The following TAF4B variants were observed in gnomAD, a reference collection of about 807,000 sequenced individuals.
TAF4B encodes transcription initiation factor TFIID subunit 4B.
Under a neutral mutation model 86.4 loss-of-function variants are expected in TAF4B, and 38 were observed. That is an observed-to-expected ratio of 0.44 (90% CI 0.34 to 0.58). The LOEUF (loss-of-function observed/expected upper bound fraction) is 0.58, where lower values mean the gene tolerates loss of function less well. Ranked by LOEUF, TAF4B falls within the 20% of genes least tolerant of loss-of-function variation. The pLI is 0.02. For missense variants in TAF4B, 988 were observed against 1,027.6 expected, an observed-to-expected ratio of 0.96 and a Z score of 0.53; for synonymous variants, 388 against 391.2, an observed-to-expected ratio of 0.99 and a Z score of 0.10.
At chr18:26,344,708 A>G (rs2057162508) in intron 13 of TAF4B, among the ~76,000 whole-genome samples, 1 of 152,240 alleles carries the variant, frequency 6.6e-6, no homozygotes, top group South Asian at 2.1e-4. Context: ...TGACATTGGC[A>G]AGATGGCTGA....
At chr18:26,232,640 G>A (rs1305825950) in intron 1 of TAF4B, among the ~76,000 whole-genome samples, 1 of 152,082 alleles carries the variant, frequency 6.6e-6, no homozygotes, top group African/African-American at 2.4e-5. Context: ...TAAACACCTG[G>A]TGGCATCTCG....
At chr18:26,231,081 C>G (rs1418657603) in intron 1 of TAF4B, among the ~76,000 whole-genome samples, 1 of 117,280 alleles carries the variant, frequency 8.5e-6, no homozygotes, top group Non-Finnish European at 1.7e-5. Flanking sequence ...CCCTTGTTGC[C>G]CAGGCTGGAG....
At chr18:26,313,505 G>A (rs536830063) in intron 9 of TAF4B, among the ~76,000 whole-genome samples, 1 of 152,164 alleles carries the variant, frequency 6.6e-6, no homozygotes, top group South Asian at 2.1e-4. Flanking sequence ...TCTTTGCTCT[G>A]CATATTTCAT....
chr18:26,261,867 T>G (rs2056172590), intron 1 of TAF4B, among the ~76,000 whole-genome samples: 1 of 152,242 alleles, frequency 6.6e-6, no homozygotes, highest in South Asian at 2.1e-4. Flanking sequence ...AGCCTTGAAC[T>G]TCTCCACTCT....
intron 9 of TAF4B, among the ~76,000 whole-genome samples, chr18:26,293,937 A>G (rs867886852): frequency 3.9e-5 from 6 of 152,034 alleles, no homozygotes; most frequent in Admixed American, 1.3e-4. Context: ...TTTACTCAAC[A>G]TGTTTTTTAG....
chr18:26,365,803 G>A (rs1195668817), intron 14 of TAF4B, among the ~76,000 whole-genome samples: 2 of 151,892 alleles, frequency 1.3e-5, no homozygotes, highest in South Asian at 4.2e-4. Context: ...TTTGTTTTTT[G>A]TTTTGAGATG....
chr18:26,369,615 G>A (rs140832087), intron 14 of TAF4B, among the ~76,000 whole-genome samples: 1 of 152,354 alleles, frequency 6.6e-6, no homozygotes, highest in African/African-American at 2.4e-5. Context: ...GCTCAAAGGC[G>A]TTGCTGGCAT....
chr18:26,381,506 C>A (rs2057478368), intron 14 of TAF4B, among the ~76,000 whole-genome samples: 1 of 151,832 alleles, frequency 6.6e-6, no homozygotes, highest in Admixed American at 6.6e-5. Flanking sequence ...GCAGGCGGAT[C>A]ACCTGAGGTC....
At chr18:26,292,698 T>A (rs897357809) in intron 8 of TAF4B, among the ~76,000 whole-genome samples, 1 of 152,114 alleles carries the variant, frequency 6.6e-6, no homozygotes, top group East Asian at 1.9e-4. Context: ...AATTTTTGTA[T>A]TTTTAGTAGA....
intron 14 of TAF4B, among the ~76,000 whole-genome samples, chr18:26,363,017 G>C (rs1267650595): frequency 1.3e-5 from 2 of 152,088 alleles, no homozygotes; most frequent in Non-Finnish European, 2.9e-5. Context: ...AGGAAGATAT[G>C]CGTAGGTTAC....
chr18:26,334,996 A>G (rs574486508), intron 12 of TAF4B, among the ~76,000 whole-genome samples, 179 bp from the exon 13 acceptor site: 6 of 152,310 alleles, frequency 3.9e-5, no homozygotes, highest in African/African-American at 2.4e-5. Context: ...CAGCCAGCCC[A>G]GATGATGAGG....
rs568739483 is a variant in TAF4B at position 26,390,184 on chromosome 18, C to A, written c.*172C>A. 2 of 459,604 alleles carry A rather than the reference C, an allele frequency of 4.4e-6. No individual in the cohort carries two copies. Among genetic ancestry groups the A allele is most frequent in the African/African-American group, 2.6e-5 (1 of 38,860 alleles). The allele number at this position is 459,604 out of a possible 1,614,324, so 28.5% of individuals were successfully genotyped here. On this transcript the variant is annotated 3_prime_UTR_variant, in exon 15 of 15. Coordinates refer to ENST00000269142, the MANE Select transcript of TAF4B (RefSeq NM_005640.3). ...ACCTATCCATCTCATGGGACTCTTA[C>A]AGACTCAGATTCATCTTTGTCTTCT...
chr18:26,231,738 G>T (rs929349388), intron 1 of TAF4B, among the ~76,000 whole-genome samples: 17 of 152,078 alleles, frequency 1.1e-4, no homozygotes, highest in African/African-American at 3.9e-4. Flanking sequence ...ATGAAGCCGT[G>T]ACCTTGGCGG....
intron 11 of TAF4B, among the ~76,000 whole-genome samples, chr18:26,325,378 T>C (rs1436156438): frequency 1.3e-5 from 2 of 152,190 alleles, no homozygotes; most frequent in African/African-American, 4.8e-5. Context: ...AAAGCCCTAC[T>C]CTGTTGGTGC....
Position 26,265,168 on chromosome 18 carries a change from A to G in TAF4B, c.344-2A>G. On this transcript the variant is annotated splice_acceptor_variant, in intron 1 of 14. Coordinates refer to ENST00000269142, the MANE Select transcript of TAF4B (RefSeq NM_005640.3). LOFTEE classifies it high-confidence loss of function. ...TCACTTTTTTTTCTTTTTTAAATAT[A>G]GGAACCGTTTTGATTAAAAGTAACA... The G allele has an allele frequency of 6.2e-7, 1 of 1,606,180 alleles. No individual in the cohort carries two copies.
chr18:26,254,079 C>A (rs1218032897), intron 1 of TAF4B, among the ~76,000 whole-genome samples: 1 of 151,928 alleles, frequency 6.6e-6, no homozygotes, highest in Non-Finnish European at 1.5e-5. Context: ...GCATGTGCCA[C>A]CATGCCTGGC....
At chr18:26,320,292 A>G (rs2056951201) in intron 10 of TAF4B, among the ~76,000 whole-genome samples, 1 of 152,234 alleles carries the variant, frequency 6.6e-6, no homozygotes, top group Non-Finnish European at 1.5e-5. Flanking sequence ...GCCTCTGTTG[A>G]TATAAGTGGT....
intron 6 of TAF4B, among the ~76,000 whole-genome samples, chr18:26,284,835 C>T (rs1490204333): frequency 1.3e-5 from 2 of 152,150 alleles, no homozygotes; most frequent in Non-Finnish European, 2.9e-5. Context: ...CGCCACTGCA[C>T]TCCAGCCTGG....
intron 3 of TAF4B, among the ~76,000 whole-genome samples, chr18:26,273,531 C>G (rs2056346546): frequency 6.6e-6 from 1 of 152,072 alleles, no homozygotes; most frequent in Non-Finnish European, 1.5e-5. Context: ...TCTATCAATT[C>G]TCAGCATTTT....
Sources: allele counts gnomAD v4.1 joint callset (sites outside exome capture counted in the v4.1 genomes callset), GRCh38; gene constraint gnomAD v4.1.1; transcripts MANE v1.5; gene names NCBI Gene and HGNC (gene_info 2026-07-23, HGNC 2026-07-21).